Variants in SAXO1 observed in about 807,000 individuals in gnomAD.
The protein encoded by SAXO1 is 4930500O09Rik.
SAXO1 carries 21 observed loss-of-function variants against 17.5 expected under a neutral mutation model. The observed-to-expected ratio is 1.20, with a 90% confidence interval of 0.85 to 1.72. The LOEUF (loss-of-function observed/expected upper bound fraction) is 1.72. Ranked by LOEUF, SAXO1 falls within the 40% of genes most tolerant of loss-of-function variation. The pLI, the probability that SAXO1 is intolerant of heterozygous loss-of-function variation, is 0.00. For missense variants in SAXO1, 843 were observed against 596.0 expected (o/e 1.41, Z -4.32); for synonymous variants, 274 against 216.5 (o/e 1.27, Z -2.33).
chr9:18,950,952 G>A lies in SAXO1; in HGVS notation c.39-15C>T. ...AGTGATGCCGCCTATAAAAGACACAGAGTTAGGTTGATTACCTTCTTGGGA... is the reference window on the plus strand; with the variant it reads ...AGTGATGCCGCCTATAAAAGACACAAAGTTAGGTTGATTACCTTCTTGGGA... On this transcript the variant is annotated splice_polypyrimidine_tract_variant and intron_variant, in intron 1 of 3. Transcript: ENST00000380534. 1 of 1,599,210 alleles carries A rather than the reference G, an allele frequency of 6.3e-7. No homozygotes were observed. Among genetic ancestry groups the A allele is most frequent in the Non-Finnish European group, 8.5e-7 (1 of 1,171,430 alleles).
intron 1 of SAXO1, among the ~76,000 whole-genome samples, chr9:19,012,017 T>C (rs564380633): frequency 6.6e-5 from 10 of 152,028 alleles, no homozygotes; most frequent in Non-Finnish European, 1.2e-4. Flanking sequence ...GGCCAATTTT[T>C]GTATTTTTAG....
chr9:18,960,998 A>T (rs1832460540), intron 1 of SAXO1, among the ~76,000 whole-genome samples: 1 of 152,148 alleles, frequency 6.6e-6, no homozygotes, highest in African/African-American at 2.4e-5. Flanking sequence ...TGGGTTAAAT[A>T]GGCACATGAT....
chr9:19,008,094 A>C (rs1588520967), intron 1 of SAXO1, among the ~76,000 whole-genome samples: 1 of 152,094 alleles, frequency 6.6e-6, no homozygotes, highest in East Asian at 1.9e-4. Flanking sequence ...CAGCCTCCCA[A>C]GTAGCTGGGA....
chr9:19,013,142 A>T (rs951538263), intron 1 of SAXO1, among the ~76,000 whole-genome samples: 2 of 152,042 alleles, frequency 1.3e-5, no homozygotes, highest in African/African-American at 4.8e-5. Context: ...CAAAAAAAAA[A>T]GGAATTTGTG....
intron 1 of SAXO1, among the ~76,000 whole-genome samples, chr9:18,981,769 A>G (rs950859903): frequency 3.3e-5 from 5 of 152,160 alleles, no homozygotes; most frequent in African/African-American, 4.8e-5. Flanking sequence ...GTGAATAAAA[A>G]ATAAAAAACA....
chr9:18,981,954 GAC>G (rs1833405003), intron 1 of SAXO1, among the ~76,000 whole-genome samples: 1 of 152,146 alleles, frequency 6.6e-6, no homozygotes, highest in Non-Finnish European at 1.5e-5. Context: ...GCCGGACCCT[GAC>G]ACAAGAGAAT....
chr9:18,990,602 C>T (rs1833775388), intron 1 of SAXO1, among the ~76,000 whole-genome samples: 1 of 152,120 alleles, frequency 6.6e-6, no homozygotes. Flanking sequence ...GGCCATGGAC[C>T]AGTACCGATC....
chr9:18,974,126 C>T (rs887282020), intron 1 of SAXO1, among the ~76,000 whole-genome samples: 3 of 152,106 alleles, frequency 2.0e-5, no homozygotes, highest in South Asian at 2.1e-4. Context: ...GCAGGAGAGG[C>T]ATCCAAAATA....
intron 2 of SAXO1, among the ~76,000 whole-genome samples, chr9:18,946,543 A>G (rs1406002449): frequency 6.6e-6 from 1 of 152,050 alleles, no homozygotes; most frequent in African/African-American, 2.4e-5. Flanking sequence ...CCAAAGATAA[A>G]AACACTTTTT....
intron 1 of SAXO1, among the ~76,000 whole-genome samples, chr9:19,004,190 T>C (rs769157822): frequency 1.3e-5 from 2 of 152,288 alleles, no homozygotes; most frequent in South Asian, 2.1e-4. Context: ...CGAGATACCA[T>C]CTCATGTCAG....
chr9:18,958,802 A>G (rs1039519492), intron 1 of SAXO1, among the ~76,000 whole-genome samples: 17 of 152,162 alleles, frequency 1.1e-4, no homozygotes, highest in African/African-American at 4.1e-4. Flanking sequence ...TTGCAGAATC[A>G]TACGTTTGGA....
chr9:18,960,902 T>A (rs10757011), intron 1 of SAXO1, among the ~76,000 whole-genome samples: 1 of 151,988 alleles, frequency 6.6e-6, no homozygotes, highest in Non-Finnish European at 1.5e-5. Flanking sequence ...GGGGTTCCCA[T>A]TGAGAGTGAG....
At chr9:18,950,962 G>T in intron 1 of SAXO1, 25 bp from the exon 2 acceptor site, 1 of 1,591,190 alleles carries the variant, frequency 6.3e-7, no homozygotes, top group South Asian at 1.1e-5. Context: ...GAGTTAGGTT[G>T]ATTACCTTCT....
At chr9:19,008,713 T>A (rs1246693422) in intron 1 of SAXO1, among the ~76,000 whole-genome samples, 1 of 152,192 alleles carries the variant, frequency 6.6e-6, no homozygotes, top group Non-Finnish European at 1.5e-5. Context: ...TGTGCTGTCA[T>A]ACTAACCCCA....
chr9:18,943,897 C>T (rs1831684187), intron 2 of SAXO1, among the ~76,000 whole-genome samples: 1 of 152,232 alleles, frequency 6.6e-6, no homozygotes, highest in Non-Finnish European at 1.5e-5. Flanking sequence ...CCATAGCAGC[C>T]TCTTCTGCAG....
intron 1 of SAXO1, among the ~76,000 whole-genome samples, chr9:19,030,802 G>A (rs1835730694): frequency 6.6e-6 from 1 of 152,218 alleles, no homozygotes; most frequent in Non-Finnish European, 1.5e-5. Context: ...ATGGAAGATT[G>A]CTGGCACCAT....
chr9:19,024,044 C>CTTT (rs1563988508), intron 1 of SAXO1, among the ~76,000 whole-genome samples: 141 of 83,114 alleles, frequency 1.7e-3, no homozygotes, highest in Middle Eastern at 6.5e-3. Context: ...TTTTTTTTTG[C>CTTT]GGGGGAAAAG....
chr9:18,950,644 T>C (rs556816898), intron 2 of SAXO1, 114 bp downstream of exon 2: 15 of 846,796 alleles, frequency 1.8e-5, no homozygotes, highest in Non-Finnish European at 2.7e-5. Flanking sequence ...CATATGTTGA[T>C]ACTGCACATT....
intron 1 of SAXO1, among the ~76,000 whole-genome samples, chr9:18,984,945 G>A (rs1487001634): frequency 1.3e-5 from 2 of 152,046 alleles, no homozygotes; most frequent in Non-Finnish European, 2.9e-5. Context: ...ATAGAGGTGC[G>A]ACTCTTCCTT....
Sources: gnomAD v4.1 joint callset for allele counts (sites outside exome capture counted in the v4.1 genomes callset) on GRCh38, gnomAD v4.1.1 for gene constraint, MANE v1.5 for transcripts, NCBI Gene and HGNC (gene_info 2026-07-23, HGNC 2026-07-21) for gene names.